The following SYNJ1 variants were observed in gnomAD, a reference collection of about 807,000 sequenced individuals.
The protein encoded by SYNJ1 is polyphosphatidylinositol phosphatase SYNJ1.
SYNJ1 carries 78 observed loss-of-function variants against 168.2 expected under a neutral mutation model. That is an observed-to-expected ratio of 0.46 (90% CI 0.39 to 0.56). SYNJ1 has a LOEUF of 0.56. Among genes scored for constraint, SYNJ1 ranks in the 20% least tolerant of loss-of-function variants. The pLI is 0.00. For missense variants in SYNJ1, 1,303 were observed against 1,597.6 expected (o/e 0.82, Z 3.14); for synonymous variants, 539 against 548.6 (o/e 0.98, Z 0.24).
chr21:32,645,712 G>T lies in SYNJ1; in HGVS notation c.3325C>A (p.Pro1109Thr). ...GGAGGGGCGACCGGGCGGGGCGGCG[G>T]CGGCCGCTTGGGCTCCAAGGGCTGG... ...PAQPLEPKRP[P>T]PPRPVAPPTR... Residue 1109 changes from proline (P) to threonine (T), a missense_variant, in exon 25 of 33, where the codon CCG (proline) becomes ACG (threonine). By Grantham distance (38) the Pro-to-Thr change is conservative. Transcript: ENST00000674351. The T allele has an allele frequency of 6.8e-7, 1 of 1,474,390 alleles. No individual in the cohort carries two copies. The allele number at this position is 1,474,390 out of a possible 1,614,324, so 91.3% of individuals were successfully genotyped here. A position where few individuals can be genotyped will look rare whatever the true frequency, so the allele number is the denominator to read the frequency against.
Position 32,695,177 on chromosome 21 carries a change from A to G in SYNJ1, c.585T>C (p.Ala195=). The G allele has an allele frequency of 6.2e-7, 1 of 1,614,130 alleles. No homozygotes were observed. Among genetic ancestry groups the G allele is most frequent in the Non-Finnish European group, 8.5e-7 (1 of 1,180,014 alleles). Reference sequence around the variant, plus strand: ...TGAGGCAAGCCTTCGCCTGTTTATGAGCAGCATAAATTGTTCTGATTTCTA... The same window carrying G: ...TGAGGCAAGCCTTCGCCTGTTTATGGGCAGCATAAATTGTTCTGATTTCTA... ...GGVEIRTIYA[A]HKQAKACLIS... The change falls in exon 5 of 33, where the codon GCT becomes GCC. Residue 195 remains alanine (A), a synonymous_variant. Transcript: ENST00000674351.
Position 32,657,859 on chromosome 21 carries a change from A to T in SYNJ1, c.2318T>A (p.Phe773Tyr), listed in dbSNP as rs1449206428. 1 of 1,608,400 alleles carries T rather than the reference A, an allele frequency of 6.2e-7. No homozygotes were observed. Among genetic ancestry groups the T allele is most frequent in the African/African-American group, 1.3e-5 (1 of 74,554 alleles). ...AGCAAAGGTTACCTTTCCTTCTAAA[A>T]ATCCTCTAAAAACCTAAAATAAACA... ...QKNAGQVFRG[F>Y]LEGKVTFAPT... is the part of the protein sequence containing the mutation. The change falls in exon 19 of 33, where the codon TTT (phenylalanine) becomes TAT (tyrosine). Residue 773 changes from phenylalanine (F) to tyrosine (Y), a missense_variant. Coordinates refer to ENST00000674351, the MANE Select transcript of SYNJ1 (RefSeq NM_203446.3).
At chr21:32,725,122 A>AT (rs2043399248) in intron 2 of SYNJ1, among the ~76,000 whole-genome samples, 1 of 152,206 alleles carries the variant, frequency 6.6e-6, no homozygotes, top group African/African-American at 2.4e-5. Flanking sequence ...TCTAAAAACT[A>AT]TAAGTAATAC....
chr21:32,661,474 G>T (rs117245061), intron 18 of SYNJ1, among the ~76,000 whole-genome samples: 2 of 152,090 alleles, frequency 1.3e-5, no homozygotes, highest in Admixed American at 6.5e-5. Context: ...AAAGGCCTAC[G>T]AAGTAACCCG....
At chr21:32,666,160 G>T (rs762018927) in intron 16 of SYNJ1, 25 bp from the exon 17 acceptor site, 17 of 1,570,660 alleles carry the variant, frequency 1.1e-5, no homozygotes, top group Non-Finnish European at 1.5e-5. Context: ...ATTCTAAATC[G>T]CAGATTTGAA....
In SYNJ1 at chr21:32,641,955, G is replaced by C; in HGVS notation, c.3529C>G (p.Pro1177Ala). 6.2e-7 allele frequency: 1 copy of C among 1,613,888 alleles called. No individual in the cohort carries two copies. Among genetic ancestry groups the C allele is most frequent in the Non-Finnish European group, 8.5e-7 (1 of 1,179,924 alleles). ...CCTGCAAGTCCTGCTTGAGGTGAAG[G>C]CTGACTGCGTCCTGGAACAAAGACA... ...TRKDNIGRSQ[P>A]SPQAGLAGPG... is the part of the protein sequence containing the mutation. The change falls in exon 29 of 33, where the codon CCT (proline) becomes GCT (alanine). Residue 1177 changes from proline to alanine, a missense_variant. Coordinates refer to ENST00000674351, the MANE Select transcript of SYNJ1 (RefSeq NM_203446.3).
intron 10 of SYNJ1, among the ~76,000 whole-genome samples, chr21:32,682,476 A>G (rs528745405): frequency 2.6e-5 from 4 of 152,328 alleles, no homozygotes; most frequent in African/African-American, 9.6e-5. Flanking sequence ...AAGCTAAAAT[A>G]AGATTAAAAA....
chr21:32,673,240 TTCA>T, intron 14 of SYNJ1, 97 bp downstream of exon 14: 2 of 1,037,644 alleles, frequency 1.9e-6, no homozygotes, highest in Non-Finnish European at 2.6e-6. Context: ...CCAAGTTTCT[TTCA>T]TCAATTAATG....
chr21:32,638,981 T>G lies in SYNJ1; in HGVS notation c.3842A>C (p.Glu1281Ala). The G allele has an allele frequency of 6.2e-7, 1 of 1,614,006 alleles. No individual in the cohort carries two copies. The highest frequency in any genetic ancestry group is 1.1e-5 in the South Asian group (1 of 91,076). ...TCGAGGTGGTGGTTGTGGTGGGGTT[T>G]CCAAATTTGGCTGGGGGCCAGACTG... is the stretch of plus-strand genomic sequence containing the variant. ...MPQSGPQPNL[E>A]TPPQPPPRSR... Residue 1281 changes from glutamate to alanine, a missense_variant, in exon 31 of 33, where the codon GAA (glutamate) becomes GCA (alanine). Transcript: ENST00000674351.
chr21:32,683,302 T>C (rs562395168), intron 10 of SYNJ1, among the ~76,000 whole-genome samples: 3 of 151,868 alleles, frequency 2.0e-5, no homozygotes, highest in Non-Finnish European at 2.9e-5. Flanking sequence ...GTTGAGACTA[T>C]GTTTATCTTA....
intron 6 of SYNJ1, among the ~76,000 whole-genome samples, chr21:32,691,528 TATA>T (rs1211787389): frequency 7.2e-5 from 11 of 152,240 alleles, no homozygotes; most frequent in African/African-American, 2.4e-4. Flanking sequence ...GTAAATGTAG[TATA>T]ATAATATATG....
intron 10 of SYNJ1, among the ~76,000 whole-genome samples, chr21:32,683,636 T>C (rs917442889): frequency 6.6e-6 from 1 of 152,106 alleles, no homozygotes; most frequent in South Asian, 2.1e-4. Context: ...TATATAATTG[T>C]ACATATGAAA....
Position 32,728,012 on chromosome 21 carries a change from C to T in SYNJ1, c.-89G>A, listed in dbSNP as rs1339841336. 3 of 1,536,058 alleles carry T rather than the reference C, an allele frequency of 2.0e-6. No individual in the cohort carries two copies. Among genetic ancestry groups the T allele is most frequent in the African/African-American group, 1.4e-5 (1 of 72,618 alleles). ...GCCACAGCCGCCGGGAGCGTCACTT[C>T]CGCTCCAGCAGGCCCATCTCTTCCG... On this transcript the variant is annotated 5_prime_UTR_variant, in exon 1 of 33. Transcript: ENST00000674351.
At chr21:32,702,838 C>A (rs1280678172) in intron 2 of SYNJ1, among the ~76,000 whole-genome samples, 3 of 152,210 alleles carry the variant, frequency 2.0e-5, no homozygotes, top group Admixed American at 6.5e-5. Flanking sequence ...TTACACTTAT[C>A]CCCTTTCCTT....
intron 14 of SYNJ1, chr21:32,670,748 A>C: frequency 1.0e-6 from 1 of 960,272 alleles, no homozygotes; most frequent in Non-Finnish European, 1.2e-6. Flanking sequence ...AAAGTGACTG[A>C]GAAACTACCT....
intron 32 of SYNJ1, among the ~76,000 whole-genome samples, chr21:32,632,591 GC>G (rs900103023): frequency 5.3e-5 from 8 of 152,050 alleles, no homozygotes; most frequent in African/African-American, 1.9e-4. Flanking sequence ...TCACTATGTT[GC>G]CCAGGCTGGT....
chr21:32,634,196 C>T (rs918161164), intron 32 of SYNJ1, among the ~76,000 whole-genome samples: 1 of 152,028 alleles, frequency 6.6e-6, no homozygotes, highest in African/African-American at 2.4e-5. Context: ...ATTTTTATTT[C>T]AAAATAAGTT....
chr21:32,655,351 A>C (rs537431384), intron 21 of SYNJ1, among the ~76,000 whole-genome samples: 8 of 152,272 alleles, frequency 5.3e-5, no homozygotes, highest in African/African-American at 1.9e-4. Context: ...ACACTTGCAG[A>C]TTTCACTGTG....
At chr21:32,643,567 C>G (rs1232175583) in intron 26 of SYNJ1, 110 bp from the exon 27 acceptor site, 1 of 1,062,650 alleles carries the variant, frequency 9.4e-7, no homozygotes, top group Non-Finnish European at 1.4e-6. Context: ...CAAAAAGGCT[C>G]TTTTATTGCT....
Sources: allele counts gnomAD v4.1 joint callset (sites outside exome capture counted in the v4.1 genomes callset), GRCh38; gene constraint gnomAD v4.1.1; transcripts MANE v1.5; gene names NCBI Gene and HGNC (gene_info 2026-07-23, HGNC 2026-07-21).